Variants in GLCCI1 observed in about 807,000 individuals in gnomAD.
The protein encoded by GLCCI1 is glucocorticoid-induced transcript 1 protein.
In GLCCI1, 24 loss-of-function variants were observed where a neutral mutation model predicts 52.2. The ratio of observed to expected loss-of-function variants is 0.46; its 90% CI spans 0.33 to 0.65. The LOEUF is 0.65. Ranked by LOEUF, GLCCI1 falls within the 30% of genes least tolerant of loss-of-function variation. The pLI, the probability that GLCCI1 is intolerant of heterozygous loss-of-function variation, is 0.02. For synonymous variants in GLCCI1, 310 were observed against 276.5 expected (o/e 1.12, Z -1.20); for missense variants, 704 against 701.5 (o/e 1.00, Z -0.04).
At chr7:8,079,269 A>G (rs557048065) in intron 6 of GLCCI1, among the ~76,000 whole-genome samples, 15 of 65,680 alleles carry the variant, frequency 2.3e-4, no homozygotes, top group African/African-American at 1.3e-3. Context: ...AACATGAACA[A>G]TATGTTCTGT....
intron 3 of GLCCI1, among the ~76,000 whole-genome samples, chr7:8,025,826 A>C (rs945149760): frequency 2.0e-5 from 3 of 152,216 alleles, no homozygotes; most frequent in South Asian, 2.1e-4. Context: ...AAGAAAAAAA[A>C]CCAAAAAACT....
At chr7:8,063,880 C>A (rs1584013060) in intron 5 of GLCCI1, among the ~76,000 whole-genome samples, 2 of 152,222 alleles carry the variant, frequency 1.3e-5, no homozygotes, top group Admixed American at 1.3e-4. Context: ...CTGGGCCTCC[C>A]AAAGTGCTAG....
At chr7:8,048,497 G>A (rs549092314) in intron 3 of GLCCI1, among the ~76,000 whole-genome samples, 39 of 152,076 alleles carry the variant, frequency 2.6e-4, no homozygotes, top group East Asian at 5.8e-4. Context: ...TCATCCTACC[G>A]CACTCTTTTC....
intron 1 of GLCCI1, among the ~76,000 whole-genome samples, chr7:7,999,540 C>G (rs868157787): frequency 6.6e-6 from 1 of 151,688 alleles, no homozygotes; most frequent in South Asian, 2.1e-4. Context: ...CCAGGAGTTC[C>G]AGGCTGCAGT....
chr7:7,970,212 C>T (rs1239836053), intron 1 of GLCCI1, among the ~76,000 whole-genome samples: 1 of 152,164 alleles, frequency 6.6e-6, no homozygotes, highest in African/African-American at 2.4e-5. Context: ...TGCAAAGTTC[C>T]TAACGTGCCT....
chr7:8,045,023 A>G (rs1194826536), intron 3 of GLCCI1, among the ~76,000 whole-genome samples: 7 of 152,230 alleles, frequency 4.6e-5, no homozygotes, highest in African/African-American at 1.7e-4. Context: ...ATGGACAGAA[A>G]CAAGAATTAA....
At chr7:8,039,331 A>G (rs1304525933) in intron 3 of GLCCI1, among the ~76,000 whole-genome samples, 2 of 152,156 alleles carry the variant, frequency 1.3e-5, no homozygotes, top group South Asian at 2.1e-4. Context: ...TAGCAAAGAT[A>G]AGGAATTAAG....
intron 1 of GLCCI1, among the ~76,000 whole-genome samples, chr7:7,993,707 T>C (rs1780889072): frequency 6.6e-6 from 1 of 152,126 alleles, no homozygotes; most frequent in African/African-American, 2.4e-5. Context: ...CATTTATATT[T>C]GGTGTTTTGT....
intron 3 of GLCCI1, among the ~76,000 whole-genome samples, chr7:8,043,361 T>C (rs1365117086): frequency 6.7e-6 from 1 of 149,530 alleles, no homozygotes; most frequent in Non-Finnish European, 1.5e-5. Context: ...ATAGGCAGTA[T>C]AGAGTAGGTT....
intron 1 of GLCCI1, among the ~76,000 whole-genome samples, chr7:7,998,416 A>T (rs1018782997): frequency 6.6e-6 from 1 of 152,070 alleles, no homozygotes; most frequent in Non-Finnish European, 1.5e-5. Context: ...GGGTTTCGCC[A>T]TTTTGGCCAA....
intron 2 of GLCCI1, among the ~76,000 whole-genome samples, chr7:8,014,277 G>A (rs1781332918): frequency 6.6e-6 from 1 of 152,142 alleles, no homozygotes; most frequent in Non-Finnish European, 1.5e-5. Flanking sequence ...GATGACAGAT[G>A]TGAGCCACTG....
intron 1 of GLCCI1, among the ~76,000 whole-genome samples, chr7:7,987,485 G>C (rs937320779): frequency 9.9e-5 from 15 of 152,138 alleles, no homozygotes; most frequent in African/African-American, 3.4e-4. Context: ...GACTGTTCAG[G>C]ATCTCATTGC....
intron 1 of GLCCI1, among the ~76,000 whole-genome samples, chr7:7,982,510 A>G (rs1022620147): frequency 5.9e-5 from 9 of 152,186 alleles, no homozygotes; most frequent in African/African-American, 1.7e-4. Context: ...TGAAGTATTT[A>G]TGCTACAAAA....
At chr7:8,062,391 ATTATCT>A (rs1782538382) in intron 5 of GLCCI1, among the ~76,000 whole-genome samples, 2 of 152,242 alleles carry the variant, frequency 1.3e-5, no homozygotes, top group South Asian at 4.1e-4. Flanking sequence ...ATAATTAAAA[ATTATCT>A]TTAGAGTAGA....
At chr7:8,039,859 T>G (rs1247690672) in intron 3 of GLCCI1, among the ~76,000 whole-genome samples, 2 of 151,986 alleles carry the variant, frequency 1.3e-5, no homozygotes, top group Non-Finnish European at 2.9e-5. Context: ...TAGCTTGGCA[T>G]GGTAGCGGGC....
intron 2 of GLCCI1, among the ~76,000 whole-genome samples, chr7:8,018,106 C>G (rs990077737): frequency 6.6e-6 from 1 of 152,100 alleles, no homozygotes; most frequent in African/African-American, 2.4e-5. Flanking sequence ...AATTACATCT[C>G]ATTTCTTGCT....
intron 1 of GLCCI1, among the ~76,000 whole-genome samples, chr7:7,975,811 TAGAG>T (rs112595579): frequency 0.073 from 11,100 of 152,208 alleles, 526 homozygotes; most frequent in African/African-American, 0.13. Flanking sequence ...GTTTCTGAGA[TAGAG>T]AGAGAAATTC....
intron 6 of GLCCI1, among the ~76,000 whole-genome samples, chr7:8,081,071 A>G (rs1007320450): frequency 1.8e-4 from 27 of 152,172 alleles, no homozygotes; most frequent in African/African-American, 6.0e-4. Context: ...GACTTACCCT[A>G]TGCCATGCAC....
chr7:8,081,501 G>C lies in GLCCI1; in HGVS notation c.1178-3396G>C, dbSNP rs1186729321. ...TTATATATGTGATATATATATTTTT[G>C]AGACAGGGTCTCACTGTCACCCAGG... On this transcript the variant is annotated intron_variant, in intron 6 of 7. Transcript: ENST00000223145. 3.3e-5 allele frequency among the ~76,000 whole-genome samples: 5 copies of C among 152,054 alleles called. No homozygotes were observed. The East Asian group carries it at 9.6e-4, about 29-fold the overall frequency.
Sources: allele counts gnomAD v4.1 joint callset (sites outside exome capture counted in the v4.1 genomes callset), GRCh38; gene constraint gnomAD v4.1.1; transcripts MANE v1.5; gene names NCBI Gene and HGNC (gene_info 2026-07-23, HGNC 2026-07-21).